The following DPY19L3 variants were observed in gnomAD, a reference collection of about 807,000 sequenced individuals.
DPY19L3 encodes the protein dpy-19 like C-mannosyltransferase 3, also known as protein C-mannosyl-transferase DPY19L3.
Under a neutral mutation model 92.3 loss-of-function variants are expected in DPY19L3, and 51 were observed. The ratio of observed to expected loss-of-function variants is 0.55; its 90% confidence interval spans 0.44 to 0.70. The LOEUF (loss-of-function observed/expected upper bound fraction) is 0.70, where lower values mean the gene tolerates loss of function less well. DPY19L3 is among the 30% of genes least tolerant of loss of function. DPY19L3 has a pLI of 0.00. For missense variants in DPY19L3, 706 were observed against 855.9 expected (o/e 0.82, Z 2.18); for synonymous variants, 309 against 315.2 (o/e 0.98, Z 0.21).
Position 32,468,739 on chromosome 19 carries a change from A to C in DPY19L3, c.1623A>C (p.Pro541=). Residue 541 remains proline (P), a synonymous_variant, in exon 16 of 19, where the codon CCA becomes CCC. Coordinates refer to ENST00000392250, the MANE Select transcript of DPY19L3 (RefSeq NM_001172774.2). The part of the protein sequence containing the change: ...ILLYLCYKFW[P]GMMDELSELR... ...TTTGTTTTTAATTTCAGTTCTGGCC[A>C]GGAATGATGGATGAACTCTCCGAGT... The C allele has an allele frequency of 6.2e-7, 1 of 1,613,896 alleles. No individual in the cohort carries two copies. The highest frequency in any genetic ancestry group is 8.5e-7 in the Non-Finnish European group (1 of 1,179,918).
At chr19:32,435,041 G>T (rs941042361) in intron 4 of DPY19L3, among the ~76,000 whole-genome samples, 2 of 152,048 alleles carry the variant, frequency 1.3e-5, no homozygotes, top group Admixed American at 1.3e-4. Context: ...CCCTTTTGGA[G>T]GCTAGAAGTC....
chr19:32,425,899 G>A (rs1393278661), intron 3 of DPY19L3, among the ~76,000 whole-genome samples: 6 of 152,166 alleles, frequency 3.9e-5, no homozygotes, highest in Non-Finnish European at 4.4e-5. Flanking sequence ...AGCTGTATTA[G>A]CCCCTAACGA....
At chr19:32,439,742 A>T in intron 7 of DPY19L3, 34 bp from the exon 8 acceptor site, 10 of 1,603,122 alleles carry the variant, frequency 6.2e-6, no homozygotes, top group African/African-American at 1.3e-5. Context: ...ATTACTAGAG[A>T]CATGTAAATT....
At chr19:32,448,943 A>G (rs1485111274) in intron 8 of DPY19L3, among the ~76,000 whole-genome samples, 2 of 152,244 alleles carry the variant, frequency 1.3e-5, no homozygotes, top group Non-Finnish European at 2.9e-5. Flanking sequence ...ATATAAAACT[A>G]TACAATCTTG....
At chr19:32,417,342 C>T (rs760335357) in intron 3 of DPY19L3, among the ~76,000 whole-genome samples, 8 of 152,124 alleles carry the variant, frequency 5.3e-5, no homozygotes, top group Non-Finnish European at 7.4e-5. Context: ...TTTTCTGAGA[C>T]GGAGTCTCGC....
At chr19:32,424,462 T>TA (rs1351571491) in intron 3 of DPY19L3, among the ~76,000 whole-genome samples, 1 of 150,802 alleles carries the variant, frequency 6.6e-6, no homozygotes, top group Non-Finnish European at 1.5e-5. Flanking sequence ...TTGTCTCTAC[T>TA]AAAAATACAA....
chr19:32,413,455 T>TA (rs11373047), intron 3 of DPY19L3, among the ~76,000 whole-genome samples: 2 of 151,574 alleles, frequency 1.3e-5, no homozygotes, highest in East Asian at 1.9e-4. Flanking sequence ...TTTTTTTTTT[T>TA]AATTATTATT....
intron 12 of DPY19L3, 88 bp from the exon 13 acceptor site, chr19:32,463,278 C>T: frequency 7.3e-7 from 1 of 1,370,900 alleles, no homozygotes; most frequent in South Asian, 1.2e-5. Flanking sequence ...TACATAAAGG[C>T]ATACATTTCT....
intron 8 of DPY19L3, among the ~76,000 whole-genome samples, chr19:32,445,075 C>CAA (rs771623749): frequency 1.2e-3 from 64 of 54,452 alleles, no homozygotes; most frequent in East Asian, 2.8e-3. Context: ...GACCCAGTCT[C>CAA]AAAAAAAAAA....
chr19:32,485,011 A>T lies in DPY19L3; in HGVS notation c.*2771A>T, dbSNP rs1970763055. On this transcript the variant is annotated 3_prime_UTR_variant, in exon 19 of 19. Coordinates refer to ENST00000392250, the MANE Select transcript of DPY19L3 (RefSeq NM_001172774.2). ...CTCATCCCACCTTTAAAACCTCTAA[A>T]CTGAGAAGAAGGGACCCAAATCATG... 6.6e-6 allele frequency: 1 copy of T among 152,182 alleles called. No homozygotes were observed. Among genetic ancestry groups the T allele is most frequent in the Non-Finnish European group, 1.5e-5 (1 of 68,022 alleles). The allele number at this position is 152,182 out of a possible 1,614,324, so 9.4% of individuals were successfully genotyped here. A position where few individuals can be genotyped will look rare whatever the true frequency, so the allele number is the denominator to read the frequency against.
At chr19:32,451,576 G>A (rs568473426) in intron 8 of DPY19L3, among the ~76,000 whole-genome samples, 1 of 152,236 alleles carries the variant, frequency 6.6e-6, no homozygotes, top group African/African-American at 2.4e-5. Flanking sequence ...GGGGATAATC[G>A]GATTTGCTGC....
intron 3 of DPY19L3, among the ~76,000 whole-genome samples, chr19:32,422,966 C>T (rs1436172740): frequency 6.6e-6 from 1 of 152,172 alleles, no homozygotes; most frequent in African/African-American, 2.4e-5. Flanking sequence ...GTGATTTACA[C>T]ATTTTAACCC....
At chr19:32,426,472 C>T (rs1968768625) in intron 3 of DPY19L3, among the ~76,000 whole-genome samples, 1 of 152,196 alleles carries the variant, frequency 6.6e-6, no homozygotes, top group African/African-American at 2.4e-5. Flanking sequence ...GACATGCTTT[C>T]CTCACTAACT....
rs1555721981 is a variant in DPY19L3, at chr19:32,447,816, TTAGATAGA to T, written c.856-5292_856-5285del. Among the ~76,000 whole-genome samples, 177 of 89,910 alleles carry T rather than the reference TTAGATAGA, an allele frequency of 2.0e-3. 1 individual carries two copies. The highest frequency in any genetic ancestry group is 4.6e-3 in the South Asian group (11 of 2,402). The allele number at this position is 89,910 out of a possible 152,430, so 59.0% of individuals were successfully genotyped here. ...TCCATCTCATTCATAGATAGATAGA[TTAGATAGA>T]TAGATAGATAGATAGATAGATAGAT... is the stretch of plus-strand genomic sequence containing the variant. On this transcript the variant is annotated intron_variant, in intron 8 of 18. Transcript: ENST00000392250.
rs560821627 is a variant in DPY19L3, at chr19:32,451,354, C to T, written c.856-1791C>T. 7.2e-5 allele frequency among the ~76,000 whole-genome samples: 11 copies of T among 152,236 alleles called. 1 individual carries two copies. The South Asian group carries it at 2.1e-3, about 29-fold the overall frequency. On this transcript the variant is annotated intron_variant, in intron 8 of 18. Transcript: ENST00000392250. The stretch of plus-strand genomic sequence containing the variant: ...TGCTGGGTTTTGACTCAAGAGCCCA[C>T]CTATTGATTGCTATTTCTTTTTTGT...
Position 32,482,238 on chromosome 19 carries a change from T to A in DPY19L3, c.2149T>A (p.Ter717LysextTer10), listed in dbSNP as rs1197595546. Residue 717 changes from the stop codon to lysine (K), a stop_lost, in exon 19 of 19, where the codon TAG becomes AAG. Coordinates refer to ENST00000392250, the MANE Select transcript of DPY19L3 (RefSeq NM_001172774.2). ...CGTTTACAAGCTGTCCAGAAACAAG[T>A]AGCGCAGATTTCTGCCCAGTGTCTA... ...FHVYKLSRNK[*>K] 1.2e-6 allele frequency: 2 copies of A among 1,609,512 alleles called. No individual in the cohort carries two copies. Among genetic ancestry groups the A allele is most frequent in the African/African-American group, 1.3e-5 (1 of 74,664 alleles).
chr19:32,458,156 T>G lies in DPY19L3; in HGVS notation c.1146T>G (p.Phe382Leu), dbSNP rs1291996323. 1 of 1,613,850 alleles carries G rather than the reference T, an allele frequency of 6.2e-7. No individual in the cohort carries two copies. The highest frequency in any genetic ancestry group is 1.1e-5 in the South Asian group (1 of 91,016). ...EHIFKFLKAK[F>L]GLGATRDFDA... ...TATTTAAATTTCTGAAGGCAAAATT[T>G]GGGCTTGGAGCAACAAGGTATAACT... is the stretch of plus-strand genomic sequence containing the variant. The change falls in exon 11 of 19, where the codon TTT becomes TTG. Residue 382 changes from phenylalanine to leucine, a missense_variant. Coordinates refer to ENST00000392250, the MANE Select transcript of DPY19L3 (RefSeq NM_001172774.2).
chr19:32,477,585 G>A lies in DPY19L3; in HGVS notation c.1761G>A (p.Leu587=). The change falls in exon 17 of 19, where the codon CTG becomes CTA. Residue 587 remains leucine, a synonymous_variant. Transcript: ENST00000392250. ...TGCAGTTGCTGGCCGGAGTCAAGCT[G>A]TGCACGGGAAGGACCCTAACCAACC... ...GSMQLLAGVK[L]CTGRTLTNHP... The A allele has an allele frequency of 5.0e-6, 8 of 1,614,172 alleles. No homozygotes were observed. The highest frequency in any genetic ancestry group is 2.2e-5 in the East Asian group (1 of 44,868).
chr19:32,456,079 CT>C (rs899726982), intron 10 of DPY19L3, among the ~76,000 whole-genome samples: 4,695 of 103,320 alleles, frequency 0.045, 36 homozygotes, highest in Middle Eastern at 0.071. Flanking sequence ...TCACTATGTT[CT>C]TTTTTTTTTT....
Sources: allele counts gnomAD v4.1 joint callset (sites outside exome capture counted in the v4.1 genomes callset), GRCh38; gene constraint gnomAD v4.1.1; transcripts MANE v1.5; gene names NCBI Gene and HGNC (gene_info 2026-07-23, HGNC 2026-07-21).